HHAT: variants seen among roughly 807,000 people sequenced by gnomAD.
HHAT encodes the protein protein-cysteine N-palmitoyltransferase HHAT.
In HHAT, 47 loss-of-function variants were observed where a neutral mutation model predicts 70.8. The observed-to-expected ratio is 0.66, with a 90% CI of 0.53 to 0.85. The LOEUF (loss-of-function observed/expected upper bound fraction) is 0.85. Among genes scored for constraint, HHAT ranks in the 40% least tolerant of loss-of-function variants. The pLI, the probability that HHAT is intolerant of heterozygous loss-of-function variation, is 0.00. For missense variants in HHAT, 609 were observed against 604.8 expected (o/e 1.01, Z -0.07); for synonymous variants, 228 against 247.6 (o/e 0.92, Z 0.74).
chr1:210,492,122 C>A (rs1244415370), intron 8 of HHAT, among the ~76,000 whole-genome samples: 1 of 152,084 alleles, frequency 6.6e-6, no homozygotes, highest in Admixed American at 6.6e-5. Context: ...CACACGTACC[C>A]ACCTGCATCC....
At chr1:210,566,114 A>G (rs181195761) in intron 9 of HHAT, among the ~76,000 whole-genome samples, 5 of 152,282 alleles carry the variant, frequency 3.3e-5, no homozygotes, top group African/African-American at 1.2e-4. Flanking sequence ...TGCTGCTACA[A>G]TGTTGGTTTA....
chr1:210,410,915 T>C (rs1192688771), intron 6 of HHAT, among the ~76,000 whole-genome samples: 1 of 152,224 alleles, frequency 6.6e-6, no homozygotes, highest in Non-Finnish European at 1.5e-5. Flanking sequence ...AGTCTAGTCC[T>C]TTTGGTCCTG....
intron 9 of HHAT, among the ~76,000 whole-genome samples, chr1:210,585,720 G>A (rs184574627): frequency 6.6e-6 from 1 of 152,268 alleles, no homozygotes. Context: ...CACCCAGCCA[G>A]AACTAGGCTT....
intron 2 of HHAT, among the ~76,000 whole-genome samples, chr1:210,357,671 T>A (rs562716843): frequency 1.3e-5 from 2 of 152,172 alleles, no homozygotes; most frequent in South Asian, 4.1e-4. Context: ...AATACAAAAA[T>A]TAGCCGGGTG....
chr1:210,339,302 T>A (rs1170546008), intron 1 of HHAT, among the ~76,000 whole-genome samples: 1 of 152,240 alleles, frequency 6.6e-6, no homozygotes, highest in Non-Finnish European at 1.5e-5. Flanking sequence ...GAAAGGTAGC[T>A]TTTCAACTAA....
intron 7 of HHAT, 126 bp from the exon 8 acceptor site, chr1:210,464,379 G>A (rs530645351): frequency 1.6e-5 from 14 of 862,334 alleles, no homozygotes; most frequent in Non-Finnish European, 2.2e-5. Context: ...TGAAATGTGC[G>A]AGTTGAAGGG....
intron 8 of HHAT, among the ~76,000 whole-genome samples, chr1:210,512,775 A>G (rs1168658913): frequency 2.0e-5 from 3 of 151,818 alleles, no homozygotes; most frequent in African/African-American, 7.3e-5. Flanking sequence ...GGACTCATAT[A>G]TTGGAAAAGT....
intron 9 of HHAT, among the ~76,000 whole-genome samples, chr1:210,543,468 A>G (rs1194023409): frequency 6.6e-6 from 1 of 151,938 alleles, no homozygotes; most frequent in African/African-American, 2.4e-5. Flanking sequence ...TAATCCCAGC[A>G]TTCTGAGAGG....
intron 3 of HHAT, among the ~76,000 whole-genome samples, chr1:210,377,724 T>G (rs528437557): frequency 6.6e-6 from 1 of 152,172 alleles, no homozygotes; most frequent in Non-Finnish European, 1.5e-5. Flanking sequence ...GCTTTCTCTT[T>G]TCTTCTCCCA....
intron 7 of HHAT, chr1:210,462,408 T>C (rs991975016): frequency 6.6e-6 from 1 of 152,244 alleles, no homozygotes; most frequent in East Asian, 1.9e-4. Flanking sequence ...TCATTTTGCA[T>C]GAGTTGCGAG....
chr1:210,459,340 A>G (rs1270759147), intron 7 of HHAT, among the ~76,000 whole-genome samples: 2 of 152,166 alleles, frequency 1.3e-5, no homozygotes, highest in African/African-American at 4.8e-5. Flanking sequence ...ACTGCGGTAT[A>G]AGGTGAATTA....
chr1:210,621,604 G>A lies in HHAT; in HGVS notation c.1246-1922G>A, dbSNP rs377491080. Among the ~76,000 whole-genome samples, 31 of 152,216 alleles carry A rather than the reference G, an allele frequency of 2.0e-4. No homozygotes were observed. The South Asian group carries it at 6.4e-3, about 32-fold the overall frequency. The stretch of plus-strand genomic sequence containing the variant: ...AGATTAATGTCCCATTATTCTCAGA[G>A]GTGAAGAGTGCTGAATAATAAGCCT... On this transcript the variant is annotated intron_variant, in intron 10 of 11. Coordinates refer to ENST00000261458, the MANE Select transcript of HHAT (RefSeq NM_018194.6).
At chr1:210,592,353 A>G (rs1661920281) in intron 10 of HHAT, among the ~76,000 whole-genome samples, 1 of 151,692 alleles carries the variant, frequency 6.6e-6, no homozygotes. Context: ...TGATGTGTGG[A>G]TTTGTTCCTG....
intron 11 of HHAT, among the ~76,000 whole-genome samples, chr1:210,644,462 G>GA (rs1673615741): frequency 6.6e-6 from 1 of 151,930 alleles, no homozygotes; most frequent in Non-Finnish European, 1.5e-5. Context: ...AATTAGCTAG[G>GA]CGTGGTGGTG....
At chr1:210,620,832 GC>G (rs535783947) in intron 10 of HHAT, among the ~76,000 whole-genome samples, 1 of 150,194 alleles carries the variant, frequency 6.7e-6, no homozygotes, top group Non-Finnish European at 1.5e-5. Flanking sequence ...GATTTTAGTT[GC>G]CCCCCCTCTC....
At chr1:210,652,023 C>A (rs1447244647) in intron 11 of HHAT, among the ~76,000 whole-genome samples, 2 of 152,152 alleles carry the variant, frequency 1.3e-5, no homozygotes, top group African/African-American at 4.8e-5. Context: ...GCCTAGCTGT[C>A]AAGAGCTGGA....
At chr1:210,549,339 T>C (rs2095509793) in intron 9 of HHAT, among the ~76,000 whole-genome samples, 1 of 149,196 alleles carries the variant, frequency 6.7e-6, no homozygotes, top group East Asian at 2.2e-4. Context: ...TTTTAGGAAA[T>C]GCATTTTGTC....
intron 11 of HHAT, among the ~76,000 whole-genome samples, chr1:210,662,457 A>G (rs140406561): frequency 7.2e-5 from 11 of 152,260 alleles, no homozygotes; most frequent in African/African-American, 2.6e-4. Flanking sequence ...TGTGTTTTAT[A>G]GTGTGGTCAT....
At chr1:210,465,987 G>A (rs1440832988) in intron 8 of HHAT, among the ~76,000 whole-genome samples, 10 of 15,490 alleles carry the variant, frequency 6.5e-4, no homozygotes, top group African/African-American at 2.6e-3. Flanking sequence ...GGAATTGCAA[G>A]GAATGAATTG....
Sources: gnomAD v4.1 joint callset for allele counts (sites outside exome capture counted in the v4.1 genomes callset) on GRCh38, gnomAD v4.1.1 for gene constraint, MANE v1.5 for transcripts, NCBI Gene and HGNC (gene_info 2026-07-23, HGNC 2026-07-21) for gene names.